Variants in BMPR1B observed in about 807,000 individuals in gnomAD.
The protein encoded by BMPR1B is bone morphogenetic protein receptor type-1B.
In BMPR1B, 12 loss-of-function variants were observed where a neutral mutation model predicts 59.1. The ratio of observed to expected loss-of-function variants is 0.20; its 90% CI spans 0.13 to 0.33. BMPR1B has a LOEUF of 0.33. Among genes scored for constraint, BMPR1B ranks in the 10% least tolerant of loss-of-function variants. The pLI is 1.00. For missense variants in BMPR1B, 550 were observed against 610.9 expected, an observed-to-expected ratio of 0.90 and a Z score of 1.05; for synonymous variants, 237 against 207.3, an observed-to-expected ratio of 1.14 and a Z score of -1.23.
At chr4:94,860,539 A>G (rs536215592) in intron 1 of BMPR1B, among the ~76,000 whole-genome samples, 100 of 152,334 alleles carry the variant, frequency 6.6e-4, no homozygotes, top group African/African-American at 2.3e-3. Flanking sequence ...GAAGGATTCA[A>G]TTTATGGACT....
Position 95,069,890 on chromosome 4 carries a change from G to A in BMPR1B, c.-17-34518G>A, listed in dbSNP as rs149632486. Among the ~76,000 whole-genome samples the A allele has an allele frequency of 3.0e-3, 453 of 152,264 alleles. 5 individuals carry two copies. Among genetic ancestry groups the A allele is most frequent in the African/African-American group, 0.01 (431 of 41,574 alleles). On this transcript the variant is annotated intron_variant, in intron 3 of 12. Transcript: ENST00000515059. ...CAAGGTGGGTGGATCACCTGAGGTT[G>A]GGAGTTCGTGACCAGCCTGACCAAC...
chr4:95,097,129 T>A (rs1262120795), intron 3 of BMPR1B, among the ~76,000 whole-genome samples: 1 of 69,208 alleles, frequency 1.4e-5, no homozygotes, highest in Non-Finnish European at 3.2e-5. Context: ...TATATATTAA[T>A]TTATATATAA....
rs1427350200 is a variant in BMPR1B, at chr4:94,890,547, T to C, written c.-113+14647T>C. On this transcript the variant is annotated intron_variant, in intron 2 of 12. Coordinates refer to ENST00000515059, the MANE Select transcript of BMPR1B (RefSeq NM_001203.3). ...AAAGTATAAAAGTCAATCAGAGAAG[T>C]TGTACTAGTCTTCTTGGGCTGCCGT... 3.3e-5 allele frequency among the ~76,000 whole-genome samples: 5 copies of C among 152,102 alleles called. No individual in the cohort carries two copies. In the East Asian group the frequency reaches 7.7e-4, roughly 23 times the overall value.
chr4:95,039,837 C>T (rs768697673), intron 3 of BMPR1B, among the ~76,000 whole-genome samples: 1 of 152,138 alleles, frequency 6.6e-6, no homozygotes, highest in Non-Finnish European at 1.5e-5. Flanking sequence ...ACAGTTCCCC[C>T]AGTATGGCCC....
intron 1 of BMPR1B, among the ~76,000 whole-genome samples, chr4:94,761,282 A>G (rs1465718487): frequency 3.3e-5 from 5 of 152,234 alleles, no homozygotes; most frequent in Non-Finnish European, 7.3e-5. Flanking sequence ...CCGATCTTTA[A>G]GAACCTTGAC....
At position 95,009,324 on chromosome 4, in the gene BMPR1B, A is replaced by AGT. The variant is rs1723066994; in HGVS notation, c.-18+13190_-18+13191insGT. On this transcript the variant is annotated intron_variant, in intron 3 of 12. Transcript: ENST00000515059. The stretch of plus-strand genomic sequence containing the variant: ...TCAGGAAATAGGTATGCAATTTTTT[A>AGT]ATAGTAGTAGTATACATAGTAGGGA... Among the ~76,000 whole-genome samples, 9 of 152,332 alleles carry AGT rather than the reference A, an allele frequency of 5.9e-5. No individual in the cohort carries two copies. In the South Asian group the frequency reaches 1.9e-3, roughly 32 times the overall value.
At chr4:94,808,737 G>C (rs1723703188) in intron 1 of BMPR1B, among the ~76,000 whole-genome samples, 1 of 152,074 alleles carries the variant, frequency 6.6e-6, no homozygotes, top group Non-Finnish European at 1.5e-5. Context: ...ATTTCCAAAA[G>C]TTTTTGTTAA....
chr4:95,087,868 T>C (rs1386297566), intron 3 of BMPR1B, among the ~76,000 whole-genome samples: 3 of 152,220 alleles, frequency 2.0e-5, no homozygotes, highest in African/African-American at 7.2e-5. Flanking sequence ...CTTGATAGCA[T>C]ACATTGGCTC....
chr4:94,889,690 A>T (rs1374608966), intron 2 of BMPR1B, among the ~76,000 whole-genome samples: 1 of 152,008 alleles, frequency 6.6e-6, no homozygotes, highest in Admixed American at 6.6e-5. Context: ...CCAAAAAGGG[A>T]AACCTGAGAA....
At chr4:95,106,336 A>C (rs146902588) in intron 4 of BMPR1B, among the ~76,000 whole-genome samples, 3 of 151,912 alleles carry the variant, frequency 2.0e-5, no homozygotes, top group African/African-American at 7.3e-5. Context: ...AGAATATTGG[A>C]TGTATTAGAA....
intron 3 of BMPR1B, among the ~76,000 whole-genome samples, chr4:95,018,764 G>A (rs1407720267): frequency 6.6e-6 from 1 of 152,076 alleles, no homozygotes; most frequent in African/African-American, 2.4e-5. Flanking sequence ...TCAATTTTGG[G>A]TTGCATAAAC....
chr4:94,848,138 G>A (rs1000096861), intron 1 of BMPR1B, among the ~76,000 whole-genome samples: 4 of 152,150 alleles, frequency 2.6e-5, no homozygotes, highest in Admixed American at 2.6e-4. Context: ...TGTAGTATTG[G>A]TAAGTAAATG....
At chr4:95,062,065 C>A (rs565038049) in intron 3 of BMPR1B, among the ~76,000 whole-genome samples, 1 of 152,238 alleles carries the variant, frequency 6.6e-6, no homozygotes, top group South Asian at 2.1e-4. Flanking sequence ...GAGGCCTCAC[C>A]AGCCATGCCT....
intron 3 of BMPR1B, among the ~76,000 whole-genome samples, chr4:95,061,678 A>G (rs911694792): frequency 6.6e-6 from 1 of 152,238 alleles, no homozygotes; most frequent in Non-Finnish European, 1.5e-5. Flanking sequence ...GTCCCAGGAC[A>G]GAACTTGGGA....
At chr4:94,805,151 G>T (rs1723559414) in intron 1 of BMPR1B, among the ~76,000 whole-genome samples, 1 of 152,196 alleles carries the variant, frequency 6.6e-6, no homozygotes. Flanking sequence ...GAGAAGCTCA[G>T]CCAGTGTCTA....
At chr4:94,799,325 A>G (rs531252443) in intron 1 of BMPR1B, among the ~76,000 whole-genome samples, 4 of 145,412 alleles carry the variant, frequency 2.8e-5, no homozygotes, top group Non-Finnish European at 6.0e-5. Flanking sequence ...TTTCCTGGAG[A>G]CACAGTCTTG....
chr4:94,897,981 T>G (rs979717952), intron 2 of BMPR1B, among the ~76,000 whole-genome samples: 8 of 147,072 alleles, frequency 5.4e-5, no homozygotes, highest in Non-Finnish European at 1.2e-4. Context: ...TGGGTCTTTC[T>G]CTGTTGCCCA....
intron 12 of BMPR1B, among the ~76,000 whole-genome samples, 192 bp from the exon 13 acceptor site, chr4:95,154,356 G>T (rs369819480): frequency 2.0e-5 from 3 of 152,256 alleles, no homozygotes; most frequent in East Asian, 3.9e-4. Flanking sequence ...CTATCACAAA[G>T]AAGACATGAA....
At chr4:94,981,005 A>ACGCG (rs34635740) in intron 2 of BMPR1B, among the ~76,000 whole-genome samples, 102 of 122,798 alleles carry the variant, frequency 8.3e-4, no homozygotes, top group African/African-American at 2.7e-3. Flanking sequence ...ACACACACAC[A>ACGCG]CACACACACA....
Sources: gnomAD v4.1 joint callset for allele counts (sites outside exome capture counted in the v4.1 genomes callset) on GRCh38, gnomAD v4.1.1 for gene constraint, MANE v1.5 for transcripts, NCBI Gene and HGNC (gene_info 2026-07-23, HGNC 2026-07-21) for gene names.